The following SNX14 variants were observed in gnomAD, a reference collection of about 807,000 sequenced individuals.
SNX14 encodes the protein sorting nexin 14, also known as sorting nexin-14.
SNX14 carries 93 observed loss-of-function variants against 133.8 expected under a neutral mutation model. The ratio of observed to expected loss-of-function variants is 0.70; its 90% CI spans 0.59 to 0.83. The LOEUF is 0.83. Ranked by LOEUF, SNX14 falls within the 40% of genes least tolerant of loss-of-function variation. SNX14 has a pLI of 0.00. For synonymous variants in SNX14, 368 were observed against 365.6 expected, an observed-to-expected ratio of 1.01 and a Z score of -0.07; for missense variants, 945 against 1,094.9, an observed-to-expected ratio of 0.86 and a Z score of 1.93.
rs1240562326 is a variant in SNX14, at chr6:85,546,137, A to G, written c.1108+975T>C. Among the ~76,000 whole-genome samples the G allele has an allele frequency of 2.0e-5, 3 of 152,344 alleles. No homozygotes were observed. The East Asian group carries it at 5.8e-4, about 29-fold the overall frequency. ...AATCTGTGCTGAGAGAAATGAGACC[A>G]GTGATTGCTTTGGCAGGAGTAGGGG... is the stretch of plus-strand genomic sequence containing the variant. On this transcript the variant is annotated intron_variant, in intron 12 of 28. Transcript: ENST00000314673.
rs1394548952 is a variant in SNX14 at position 85,586,916 on chromosome 6, G to A, written c.140+6663C>T. Among the ~76,000 whole-genome samples, 4 of 152,078 alleles carry A rather than the reference G, an allele frequency of 2.6e-5. No homozygotes were observed. The East Asian group carries it at 7.7e-4, about 29-fold the overall frequency. On this transcript the variant is annotated intron_variant, in intron 1 of 28. Coordinates refer to ENST00000314673, the MANE Select transcript of SNX14 (RefSeq NM_153816.6). The stretch of plus-strand genomic sequence containing the variant: ...CAAAAATTAGCCAGGCATGATGGTG[G>A]ATGCCTGTAATCCCAGCTACCTGGG...
chr6:85,568,707 C>T (rs1258419882), intron 4 of SNX14, among the ~76,000 whole-genome samples: 1 of 152,120 alleles, frequency 6.6e-6, no homozygotes, highest in Non-Finnish European at 1.5e-5. Flanking sequence ...TATATTTTCT[C>T]TGGCAGCAAT....
chr6:85,535,218 T>C (rs1028614761), intron 17 of SNX14, among the ~76,000 whole-genome samples: 2 of 151,954 alleles, frequency 1.3e-5, no homozygotes, highest in Non-Finnish European at 1.5e-5. Flanking sequence ...TCTCACCATG[T>C]TGCCCAGGCT....
chr6:85,539,013 A>G, intron 15 of SNX14, 149 bp from the exon 16 acceptor site: 1 of 535,046 alleles, frequency 1.9e-6, no homozygotes, highest in Non-Finnish European at 3.1e-6. Context: ...AAGGGAAGAA[A>G]TCTTCATGAA....
chr6:85,548,329 AG>A lies in SNX14; in HGVS notation c.838del (p.Leu280PhefsTer7). The A allele has an allele frequency of 6.2e-7, 1 of 1,608,260 alleles. No individual in the cohort carries two copies. The highest frequency in any genetic ancestry group is 8.5e-7 in the Non-Finnish European group (1 of 1,178,166). ...ATCAGCTAGGAAATCCAAAGAAGGAAGGAACACAGAGCCAGACAGAATCTCT... is the reference window on the plus strand; with the variant it reads ...ATCAGCTAGGAAATCCAAAGAAGGAAGAACACAGAGCCAGACAGAATCTCT... ...IREILSGSVFLPSLDFLADPD... is the reference protein window; with the variant it reads ...IREILSGSVFXPSLDFLADPD... On this transcript the variant is annotated frameshift_variant, in exon 9 of 29. Coordinates refer to ENST00000314673, the MANE Select transcript of SNX14 (RefSeq NM_153816.6). LOFTEE classifies it high-confidence loss of function.
intron 18 of SNX14, among the ~76,000 whole-genome samples, chr6:85,531,724 T>A (rs1780364706): frequency 6.6e-6 from 1 of 152,162 alleles, no homozygotes; most frequent in Non-Finnish European, 1.5e-5. Flanking sequence ...ACAAAAATTA[T>A]CTTTAAAATA....
chr6:85,512,519 G>A (rs1773290766), intron 26 of SNX14, among the ~76,000 whole-genome samples: 1 of 151,836 alleles, frequency 6.6e-6, no homozygotes, highest in Non-Finnish European at 1.5e-5. Context: ...CTACTCGGGA[G>A]GCTGAGACAG....
At chr6:85,576,283 T>A (rs186224001) in intron 1 of SNX14, among the ~76,000 whole-genome samples, 11 of 152,316 alleles carry the variant, frequency 7.2e-5, no homozygotes, top group Admixed American at 2.6e-4. Context: ...AAAGTGTTCT[T>A]TCTTTACACT....
intron 26 of SNX14, among the ~76,000 whole-genome samples, chr6:85,508,663 A>C (rs1771644780): frequency 1.3e-5 from 2 of 151,796 alleles, no homozygotes; most frequent in Non-Finnish European, 3.0e-5. Context: ...CTTACAAACC[A>C]ATCATTTTGG....
chr6:85,593,668 T>C lies in SNX14; in HGVS notation c.51A>G (p.Arg17=). ...GGCAGATCTCGCGTCCCACGTCCAG[T>C]CGCAGCCGCTGCTTCAGCTTCTGCC... ...TMGQKLKQRL[R]LDVGREICRQ... is the part of the protein sequence containing the mutation. The change falls in exon 1 of 29, where the codon CGA becomes CGG. Residue 17 remains arginine, a synonymous_variant. Coordinates refer to ENST00000314673, the MANE Select transcript of SNX14 (RefSeq NM_153816.6). The C allele has an allele frequency of 1.2e-6, 2 of 1,613,004 alleles. No homozygotes were observed. The highest frequency in any genetic ancestry group is 1.7e-6 in the Non-Finnish European group (2 of 1,179,894).
intron 6 of SNX14, 36 bp downstream of exon 6, chr6:85,565,296 C>T: frequency 7.5e-7 from 1 of 1,333,924 alleles, no homozygotes; most frequent in Non-Finnish European, 1.0e-6. Context: ...AATGATAAAG[C>T]CCCAAATTCC....
At chr6:85,582,904 C>T (rs979083020) in intron 1 of SNX14, among the ~76,000 whole-genome samples, 1 of 152,184 alleles carries the variant, frequency 6.6e-6, no homozygotes, top group Non-Finnish European at 1.5e-5. Context: ...AAGAGGAACT[C>T]CTCCCAAACT....
At chr6:85,562,872 C>T (rs928064099) in intron 6 of SNX14, among the ~76,000 whole-genome samples, 2 of 152,028 alleles carry the variant, frequency 1.3e-5, no homozygotes, top group Non-Finnish European at 1.5e-5. Flanking sequence ...GCATGAGCCA[C>T]GGTGCATGGC....
At chr6:85,538,935 AT>A in intron 15 of SNX14, 71 bp from the exon 16 acceptor site, 1 of 1,338,144 alleles carries the variant, frequency 7.5e-7, no homozygotes, top group Non-Finnish European at 1.0e-6. Flanking sequence ...TATAAACTTC[AT>A]TTTAGAACAC....
At chr6:85,528,095 T>C (rs989281084) in intron 20 of SNX14, among the ~76,000 whole-genome samples, 167 bp downstream of exon 20, 9 of 152,098 alleles carry the variant, frequency 5.9e-5, no homozygotes, top group African/African-American at 1.9e-4. Flanking sequence ...AGTAATATAC[T>C]TTTGACAAAA....
intron 1 of SNX14, among the ~76,000 whole-genome samples, chr6:85,576,166 A>C (rs1423881958): frequency 6.6e-6 from 1 of 152,026 alleles, no homozygotes; most frequent in African/African-American, 2.4e-5. Context: ...ATTTTTACAG[A>C]CCCTCACTAC....
chr6:85,573,756 T>G (rs1253260324), intron 2 of SNX14, among the ~76,000 whole-genome samples: 1 of 152,216 alleles, frequency 6.6e-6, no homozygotes, highest in Non-Finnish European at 1.5e-5. Context: ...ATTACAAGGC[T>G]CTAACCCAGA....
chr6:85,516,608 A>C (rs1775078829), intron 23 of SNX14, among the ~76,000 whole-genome samples: 1 of 151,854 alleles, frequency 6.6e-6, no homozygotes, highest in Non-Finnish European at 1.5e-5. Context: ...TCTACCCATA[A>C]ACATGAATGT....
chr6:85,581,962 G>A (rs1188913960), intron 1 of SNX14: 3 of 152,126 alleles, frequency 2.0e-5, no homozygotes, highest in African/African-American at 4.8e-5. Flanking sequence ...CCCAAACCTA[G>A]AGAAAGGTAT....
Sources: allele counts gnomAD v4.1 joint callset (sites outside exome capture counted in the v4.1 genomes callset), GRCh38; gene constraint gnomAD v4.1.1; transcripts MANE v1.5; gene names NCBI Gene and HGNC (gene_info 2026-07-23, HGNC 2026-07-21).